EPHA6: variants seen among roughly 807,000 people sequenced by gnomAD.
The protein encoded by EPHA6 is ephrin type-A receptor 6.
EPHA6 carries 50 observed loss-of-function variants against 112.0 expected under a neutral mutation model. The ratio of observed to expected loss-of-function variants is 0.45; its 90% CI spans 0.36 to 0.56. The LOEUF is 0.56. Ranked by LOEUF, EPHA6 falls within the 20% of genes least tolerant of loss-of-function variation. The probability of loss-of-function intolerance (pLI) is 0.00; values close to 1 mark genes in which losing one functional copy is unlikely to be tolerated. For missense variants in EPHA6, 1,280 were observed against 1,417.4 expected (o/e 0.90, Z 1.56); for synonymous variants, 529 against 490.7 (o/e 1.08, Z -1.03).
intron 3 of EPHA6, among the ~76,000 whole-genome samples, chr3:96,998,432 A>C (rs1257143476): frequency 1.3e-5 from 2 of 151,834 alleles, no homozygotes; most frequent in Non-Finnish European, 1.5e-5. Flanking sequence ...AGTTCTTTTG[A>C]TAAAGTTCTA....
At chr3:97,287,269 G>A (rs1447425380) in intron 5 of EPHA6, among the ~76,000 whole-genome samples, 6 of 151,894 alleles carry the variant, frequency 4.0e-5, no homozygotes, top group African/African-American at 9.7e-5. Context: ...GCTAGGACTT[G>A]GCATCCTTGT....
At chr3:96,906,208 AG>A (rs2038926551) in intron 2 of EPHA6, among the ~76,000 whole-genome samples, 1 of 152,030 alleles carries the variant, frequency 6.6e-6, no homozygotes, top group African/African-American at 2.4e-5. Flanking sequence ...GTAGGAGACA[AG>A]GTAACTTCCA....
intron 3 of EPHA6, among the ~76,000 whole-genome samples, chr3:97,101,903 G>A (rs1254367976): frequency 6.6e-6 from 1 of 151,886 alleles, no homozygotes; most frequent in Non-Finnish European, 1.5e-5. Context: ...ACTATTCATT[G>A]ACAAATATCT....
At chr3:96,866,469 T>C (rs775557292) in intron 1 of EPHA6, among the ~76,000 whole-genome samples, 1 of 151,922 alleles carries the variant, frequency 6.6e-6, no homozygotes, top group Non-Finnish European at 1.5e-5. Context: ...TCTTCCTGAA[T>C]GTGGTCTAAA....
chr3:97,564,215 CATTATTT>C (rs2093230083), intron 11 of EPHA6, among the ~76,000 whole-genome samples: 1 of 152,054 alleles, frequency 6.6e-6, no homozygotes, highest in Admixed American at 6.6e-5. Flanking sequence ...CTTGTAAAAA[CATTATTT>C]ATTATTATAA....
intron 10 of EPHA6, among the ~76,000 whole-genome samples, chr3:97,495,452 G>A (rs189497209): frequency 6.6e-6 from 1 of 151,498 alleles, no homozygotes; most frequent in East Asian, 1.9e-4. Context: ...ACAAATTCTA[G>A]TATATATAGA....
intron 2 of EPHA6, among the ~76,000 whole-genome samples, chr3:96,972,423 AAACACACACAC>A (rs2042350006): frequency 1.3e-5 from 1 of 74,918 alleles, no homozygotes; most frequent in Non-Finnish European, 2.5e-5. Context: ...ACACACACAC[AAACACACACAC>A]ACACACACAC....
chr3:97,668,535 C>G (rs924656596), intron 14 of EPHA6, among the ~76,000 whole-genome samples: 1 of 152,152 alleles, frequency 6.6e-6, no homozygotes, highest in East Asian at 1.9e-4. Context: ...GAAGAAGTAT[C>G]TCTGAAATAT....
At chr3:97,196,578 G>T (rs893054116) in intron 3 of EPHA6, among the ~76,000 whole-genome samples, 1 of 151,930 alleles carries the variant, frequency 6.6e-6, no homozygotes, top group Admixed American at 6.6e-5. Context: ...TATTTATTAC[G>T]GTCATTTCAG....
intron 11 of EPHA6, among the ~76,000 whole-genome samples, chr3:97,548,032 C>T (rs756824728): frequency 5.9e-5 from 9 of 152,324 alleles, no homozygotes; most frequent in East Asian, 1.9e-4. Context: ...GGTGACGCCT[C>T]GCCCTGCTTT....
chr3:96,922,105 A>T (rs1365661087), intron 2 of EPHA6, among the ~76,000 whole-genome samples: 1 of 152,174 alleles, frequency 6.6e-6, no homozygotes, highest in Non-Finnish European at 1.5e-5. Flanking sequence ...TTTTAAGAAA[A>T]ATATTAGCTA....
chr3:97,219,681 G>A (rs1010844562), intron 3 of EPHA6, among the ~76,000 whole-genome samples: 2 of 152,170 alleles, frequency 1.3e-5, no homozygotes, highest in Admixed American at 6.5e-5. Flanking sequence ...GATGGGAAGT[G>A]CTGCCGTGAA....
chr3:96,865,261 C>A (rs1408676947), intron 1 of EPHA6, among the ~76,000 whole-genome samples: 1 of 151,984 alleles, frequency 6.6e-6, no homozygotes, highest in Non-Finnish European at 1.5e-5. Flanking sequence ...ACTTTCATAT[C>A]TGAAAAATGT....
intron 16 of EPHA6, chr3:97,745,530 A>G (rs2035675941): frequency 3.1e-6 from 1 of 322,242 alleles, no homozygotes; most frequent in African/African-American, 2.2e-5. Context: ...GGATAACCAG[A>G]CCCAATATTG....
chr3:97,085,352 G>A (rs2108212058), intron 3 of EPHA6, among the ~76,000 whole-genome samples: 1 of 152,134 alleles, frequency 6.6e-6, no homozygotes, highest in East Asian at 1.9e-4. Context: ...AGAGGTTGAA[G>A]AATTTTAACA....
intron 6 of EPHA6, among the ~76,000 whole-genome samples, chr3:97,426,384 A>G (rs2089125984): frequency 6.6e-6 from 1 of 152,154 alleles, no homozygotes; most frequent in Non-Finnish European, 1.5e-5. Context: ...TCACGAGGCT[A>G]ATTCACTACC....
chr3:97,051,735 A>G (rs568346934), intron 3 of EPHA6, among the ~76,000 whole-genome samples: 1 of 152,246 alleles, frequency 6.6e-6, no homozygotes, highest in South Asian at 2.1e-4. Context: ...GGCTTCACAC[A>G]GGAATTAGTT....
intron 5 of EPHA6, among the ~76,000 whole-genome samples, chr3:97,397,589 G>A (rs908385831): frequency 6.6e-6 from 1 of 151,502 alleles, no homozygotes; most frequent in Non-Finnish European, 1.5e-5. Flanking sequence ...ACCATTTAAA[G>A]TGTGTGCTTA....
chr3:96,894,782 A>G (rs1262237370), intron 2 of EPHA6, among the ~76,000 whole-genome samples: 1 of 152,116 alleles, frequency 6.6e-6, no homozygotes, highest in Non-Finnish European at 1.5e-5. Flanking sequence ...TTGCTTAAGG[A>G]TGAGTGGAAT....
Sources: allele counts gnomAD v4.1 joint callset (sites outside exome capture counted in the v4.1 genomes callset), GRCh38; gene constraint gnomAD v4.1.1; transcripts MANE v1.5; gene names NCBI Gene and HGNC (gene_info 2026-07-23, HGNC 2026-07-21).